The following ASRGL1 variants were observed in gnomAD, a reference collection of about 807,000 sequenced individuals.
ASRGL1 encodes asparaginase and isoaspartyl peptidase 1.
ASRGL1 carries 16 observed loss-of-function variants against 22.4 expected under a neutral mutation model. The ratio of observed to expected loss-of-function variants is 0.71; its 90% CI spans 0.48 to 1.08. The LOEUF is 1.08. Among genes scored for constraint, ASRGL1 ranks in the 50% least tolerant of loss-of-function variants. ASRGL1 has a pLI of 0.00. For synonymous variants in ASRGL1, 165 were observed against 159.3 expected (o/e 1.04, Z -0.27); for missense variants, 412 against 410.1 (o/e 1.00, Z -0.04).
At chr11:62,356,256 C>T in intron 2 of ASRGL1, 69 bp from the exon 3 acceptor site, 8 of 1,565,910 alleles carry the variant, frequency 5.1e-6, no homozygotes, top group Non-Finnish European at 7.0e-6. Flanking sequence ...GGGGGCTGAC[C>T]CCCCCACCTC....
At chr11:62,348,504 GA>G (rs575925619) in intron 2 of ASRGL1, among the ~76,000 whole-genome samples, 29 of 152,164 alleles carry the variant, frequency 1.9e-4, no homozygotes, top group Middle Eastern at 6.8e-3. Context: ...AGGAGATCGA[GA>G]CCAGCCTGGC....
At chr11:62,372,489 G>T in intron 4 of ASRGL1, 1 of 1,311,714 alleles carries the variant, frequency 7.6e-7, no homozygotes, top group Non-Finnish European at 1.1e-6. Flanking sequence ...CAGATGGGAA[G>T]TTCATTGCCC....
chr11:62,372,036 A>G (rs926871556), intron 4 of ASRGL1: 5 of 746,988 alleles, frequency 6.7e-6, no homozygotes, highest in Non-Finnish European at 9.9e-6. Context: ...CCCCATAGGT[A>G]TGGGTGCCTG....
rs769524396 is a variant in ASRGL1 at position 62,392,149 on chromosome 11, C to T, written c.792C>T (p.Gly264=). The part of the protein sequence containing the change: ...YMKSRVKGLG[G]LIVVSKTGDW... ...AGTCAAGGGTTAAAGGTTTAGGTGGCCTCATCGTGGTTAGCAAAACAGGAG... is the reference window on the plus strand; with the variant it reads ...AGTCAAGGGTTAAAGGTTTAGGTGGTCTCATCGTGGTTAGCAAAACAGGAG... Residue 264 remains glycine (G), a synonymous_variant, in exon 7 of 7, where the codon GGC becomes GGT. Coordinates refer to ENST00000415229, the MANE Select transcript of ASRGL1 (RefSeq NM_001083926.2). The T allele has an allele frequency of 1.9e-6, 3 of 1,614,196 alleles. No homozygotes were observed. The highest frequency in any genetic ancestry group is 2.2e-5 in the South Asian group (2 of 91,086).
At position 62,392,751 on chromosome 11, in the gene ASRGL1, C is replaced by T. The variant is rs1477828971; in HGVS notation, c.*467C>T. On this transcript the variant is annotated 3_prime_UTR_variant, in exon 7 of 7. Transcript: ENST00000415229. ...GCAGTAGAAGCAGTGGTGGGCGAAG[C>T]CCAGGTGACCCTCAGAACGTTGCAC... The T allele has an allele frequency of 5.6e-6, 1 of 179,186 alleles. No individual in the cohort carries two copies. Among genetic ancestry groups the T allele is most frequent in the South Asian group, 1.3e-4 (1 of 7,980 alleles). 11.1% of individuals were successfully genotyped at this position (179,186 alleles called of 1,614,324 possible).
chr11:62,398,672 C>T, the ASRGL1 span, among the ~76,000 whole-genome samples: 1 of 152,246 alleles, frequency 6.6e-6, no homozygotes, highest in African/African-American at 2.4e-5. Context: ...GGCCCACTCC[C>T]GCTAGCGGCG....
chr11:62,372,611 GGC>G (rs1946803754), intron 4 of ASRGL1: 1 of 875,864 alleles, frequency 1.1e-6, no homozygotes, highest in Non-Finnish European at 2.0e-6. Context: ...TGCGAGACGT[GGC>G]CTGTGGCGCT....
chr11:62,342,258 G>T (rs539247272), intron 2 of ASRGL1, among the ~76,000 whole-genome samples: 1 of 152,362 alleles, frequency 6.6e-6, no homozygotes, highest in Non-Finnish European at 1.5e-5. Flanking sequence ...AAATAAGGAA[G>T]AGGAACAGGC....
chr11:62,346,727 TGGGAGGC>T (rs1946033340), intron 2 of ASRGL1, among the ~76,000 whole-genome samples: 1 of 152,170 alleles, frequency 6.6e-6, no homozygotes, highest in Non-Finnish European at 1.5e-5. Context: ...CCCAGCACTT[TGGGAGGC>T]CGAGGCAGGC....
intron 2 of ASRGL1, among the ~76,000 whole-genome samples, chr11:62,352,013 G>A (rs1304666302): frequency 6.6e-6 from 1 of 152,162 alleles, no homozygotes; most frequent in African/African-American, 2.4e-5. Context: ...AGGCCTGCTG[G>A]CAACAAATTG....
At chr11:62,396,747 T>A (rs1052767492), downstream of ASRGL1, among the ~76,000 whole-genome samples, 2 of 145,002 alleles carry the variant, frequency 1.4e-5, no homozygotes, top group African/African-American at 5.1e-5. Flanking sequence ...TGGACTCTGC[T>A]GATAGGGGAA....
At chr11:62,351,412 G>A (rs1157634271) in intron 2 of ASRGL1, among the ~76,000 whole-genome samples, 1 of 152,144 alleles carries the variant, frequency 6.6e-6, no homozygotes, top group Non-Finnish European at 1.5e-5. Context: ...CACTTTGGGA[G>A]GCCGAGACAG....
chr11:62,350,455 G>C (rs755689440), intron 2 of ASRGL1, among the ~76,000 whole-genome samples: 2 of 152,188 alleles, frequency 1.3e-5, no homozygotes, highest in African/African-American at 2.4e-5. Context: ...AAATGCCCAG[G>C]AATGTGATTT....
At chr11:62,374,335 G>T (rs1388367032) in intron 4 of ASRGL1, among the ~76,000 whole-genome samples, 1 of 152,192 alleles carries the variant, frequency 6.6e-6, no homozygotes, top group Admixed American at 6.5e-5. Context: ...GAGTTATGAG[G>T]TGCCTTTCCC....
In ASRGL1 at chr11:62,337,876, C is replaced by T; in HGVS notation, c.-88-14C>T. 2.4e-6 allele frequency: 3 copies of T among 1,265,224 alleles called. No homozygotes were observed. Among genetic ancestry groups the T allele is most frequent in the Non-Finnish European group, 1.1e-6 (1 of 922,350 alleles). The allele number at this position is 1,265,224 out of a possible 1,614,324, so 78.4% of individuals were successfully genotyped here. On this transcript the variant is annotated splice_polypyrimidine_tract_variant and intron_variant, in intron 1 of 6. Coordinates refer to ENST00000415229, the MANE Select transcript of ASRGL1 (RefSeq NM_001083926.2). ...CCAGCCGTTCAGAACAGAGACTGGG[C>T]ATTGTCCCCACAGGGTCTCCCGAGG...
intron 2 of ASRGL1, among the ~76,000 whole-genome samples, chr11:62,352,368 T>C (rs1022260453): frequency 2.6e-5 from 4 of 152,088 alleles, no homozygotes; most frequent in African/African-American, 9.7e-5. Context: ...GGTGGATCAC[T>C]TGAGGTCAGG....
At chr11:62,360,749 C>T (rs978275108) in intron 4 of ASRGL1, among the ~76,000 whole-genome samples, 6 of 152,154 alleles carry the variant, frequency 3.9e-5, no homozygotes, top group African/African-American at 1.4e-4. Flanking sequence ...TGGCAACCTC[C>T]TTCTTTACTA....
At chr11:62,371,532 A>G in intron 4 of ASRGL1, 1 of 706,988 alleles carries the variant, frequency 1.4e-6, no homozygotes, top group Non-Finnish European at 2.6e-6. Context: ...AGTCATCACC[A>G]TTCTCTAATC....
chr11:62,372,791 C>A lies in ASRGL1; in HGVS notation c.491+15647C>A, dbSNP rs1946808443. ...CCCAGATCTATGCTGGTTACACCTG[C>A]TCCTTTGCCGTCAGTGAAGTGGGTG... On this transcript the variant is annotated intron_variant, in intron 4 of 6. Transcript: ENST00000415229. The A allele has an allele frequency of 5.1e-6, 8 of 1,578,476 alleles. 1 individual carries two copies. In the South Asian group the frequency reaches 7.7e-5, roughly 15 times the overall value.
Sources: gnomAD v4.1 joint callset for allele counts (sites outside exome capture counted in the v4.1 genomes callset) on GRCh38, gnomAD v4.1.1 for gene constraint, MANE v1.5 for transcripts, NCBI Gene and HGNC (gene_info 2026-07-23, HGNC 2026-07-21) for gene names.